SNX29: variants seen among roughly 807,000 people sequenced by gnomAD.
SNX29 encodes the protein sorting nexin-29.
In SNX29, 78 loss-of-function variants were observed where a neutral mutation model predicts 102.1. The observed-to-expected ratio is 0.76, with a 90% CI of 0.64 to 0.92. The LOEUF is 0.92. SNX29 is among the 40% of genes least tolerant of loss of function. The pLI is 0.00. For synonymous variants in SNX29, 580 were observed against 414.5 expected (o/e 1.40, Z -4.85); for missense variants, 1,280 against 1,061.7 (o/e 1.21, Z -2.86).
At chr16:12,537,387 C>A (rs1036076605) in intron 20 of SNX29, among the ~76,000 whole-genome samples, 1 of 152,210 alleles carries the variant, frequency 6.6e-6, no homozygotes, top group African/African-American at 2.4e-5. Flanking sequence ...AAGAGCAAGA[C>A]TTTGAGCCAA....
rs143464907 is a variant in SNX29 at position 12,222,145 on chromosome 16, G to A, written c.1678+22462G>A. Among the ~76,000 whole-genome samples the A allele has an allele frequency of 3.9e-3, 590 of 152,340 alleles. 5 individuals are homozygous for A. The highest frequency in any genetic ancestry group is 0.014 in the African/African-American group (563 of 41,576). On this transcript the variant is annotated intron_variant, in intron 14 of 20. Transcript: ENST00000566228. ...TAGGTGCTATTACGATCTTCATTCT[G>A]CAGATGCAGAAACACAGAGAGCTTA...
chr16:12,509,824 G>A (rs762700406), intron 19 of SNX29, among the ~76,000 whole-genome samples: 1 of 152,206 alleles, frequency 6.6e-6, no homozygotes, highest in Admixed American at 6.5e-5. Context: ...GCCGTTCCCA[G>A]CTCCTGGCAT....
At chr16:12,273,582 A>G (rs1344137153) in intron 14 of SNX29, among the ~76,000 whole-genome samples, 1 of 151,902 alleles carries the variant, frequency 6.6e-6, no homozygotes, top group Non-Finnish European at 1.5e-5. Context: ...GGTCTCGAAC[A>G]CTTGACCTCA....
chr16:12,399,127 T>G lies in SNX29; in HGVS notation c.1955+626T>G, dbSNP rs150193920. 1.0e-3 allele frequency among the ~76,000 whole-genome samples: 154 copies of G among 152,324 alleles called. No homozygotes were observed. In the East Asian group the frequency reaches 0.029, roughly 29 times the overall value. Reference sequence around the variant, plus strand: ...GTGCAGTGGCACGATCTCGGCTCATTGCACCCTCCGCCTACCGGGTTTAAG... The same window carrying G: ...GTGCAGTGGCACGATCTCGGCTCATGGCACCCTCCGCCTACCGGGTTTAAG... On this transcript the variant is annotated intron_variant, in intron 17 of 20. Coordinates refer to ENST00000566228, the MANE Select transcript of SNX29 (RefSeq NM_032167.5).
At chr16:11,982,709 G>A (rs953108124) in intron 1 of SNX29, among the ~76,000 whole-genome samples, 6 of 152,052 alleles carry the variant, frequency 3.9e-5, no homozygotes, top group Non-Finnish European at 8.8e-5. Flanking sequence ...GATCACAGGC[G>A]TGAGCCACCG....
chr16:12,535,721 C>T (rs1300005883), intron 20 of SNX29, among the ~76,000 whole-genome samples: 1 of 152,124 alleles, frequency 6.6e-6, no homozygotes, highest in African/African-American at 2.4e-5. Flanking sequence ...CCCTTGTAAA[C>T]AAAGCCAGGC....
chr16:12,493,374 C>T (rs1046235305), intron 19 of SNX29, among the ~76,000 whole-genome samples: 20 of 152,084 alleles, frequency 1.3e-4, no homozygotes, highest in East Asian at 1.9e-4. Context: ...GTGATTTTTG[C>T]ACATTGATTT....
chr16:11,998,068 A>T (rs1014779143), intron 1 of SNX29, among the ~76,000 whole-genome samples: 3 of 152,196 alleles, frequency 2.0e-5, no homozygotes. Flanking sequence ...GTTATCAACC[A>T]GCTGGCCCTG....
intron 15 of SNX29, among the ~76,000 whole-genome samples, chr16:12,326,022 C>A (rs1038367118): frequency 2.6e-5 from 4 of 151,804 alleles, no homozygotes; most frequent in African/African-American, 9.7e-5. Context: ...GAGGGAGACC[C>A]TGTCTTTTTT....
At chr16:12,426,587 A>C (rs2085088615) in intron 18 of SNX29, among the ~76,000 whole-genome samples, 1 of 152,240 alleles carries the variant, frequency 6.6e-6, no homozygotes. Context: ...GTAGCCAATA[A>C]AAATGGTGAT....
chr16:12,361,398 T>C (rs1416334135), intron 16 of SNX29, among the ~76,000 whole-genome samples: 1 of 152,250 alleles, frequency 6.6e-6, no homozygotes, highest in East Asian at 1.9e-4. Flanking sequence ...CAGTGCATCA[T>C]TCTCATTGTG....
chr16:12,249,824 C>G (rs961355299), intron 14 of SNX29, among the ~76,000 whole-genome samples: 2 of 152,226 alleles, frequency 1.3e-5, no homozygotes, highest in Non-Finnish European at 2.9e-5. Context: ...GTGTGCTGAG[C>G]TGTCCCGGCC....
rs541844756 is a variant in SNX29, at chr16:12,481,958, A to T, written c.2178+4099A>T. Among the ~76,000 whole-genome samples, 20 of 152,266 alleles carry T rather than the reference A, an allele frequency of 1.3e-4. No homozygotes were observed. In the South Asian group the frequency reaches 3.9e-3, roughly 30 times the overall value. On this transcript the variant is annotated intron_variant, in intron 19 of 20. Transcript: ENST00000566228. Reference sequence around the variant, plus strand: ...AGGACACATCTTAGTGATTCTTCCCATTTCCAAAGGAGGATTGAGTCAAGA... The same window carrying T: ...AGGACACATCTTAGTGATTCTTCCCTTTTCCAAAGGAGGATTGAGTCAAGA...
intron 3 of SNX29, among the ~76,000 whole-genome samples, chr16:12,022,766 G>C (rs1039389983): frequency 3.9e-5 from 6 of 152,102 alleles, no homozygotes; most frequent in South Asian, 2.1e-4. Flanking sequence ...GTTAAGGACT[G>C]TCTGTATTTA....
chr16:12,389,467 T>C (rs374325075), intron 16 of SNX29, among the ~76,000 whole-genome samples: 5 of 152,318 alleles, frequency 3.3e-5, no homozygotes, highest in Middle Eastern at 3.4e-3. Context: ...TTCTCCTGCC[T>C]GCCACCATGT....
At chr16:12,474,735 T>G (rs12596895) in intron 18 of SNX29, among the ~76,000 whole-genome samples, 26,729 of 152,106 alleles carry the variant, frequency 0.18, 2,900 homozygotes, top group African/African-American at 0.32. Context: ...TGGGCTGTTC[T>G]TAACTCGGGT....
At chr16:12,483,710 G>A (rs1032703805) in intron 19 of SNX29, among the ~76,000 whole-genome samples, 3 of 152,160 alleles carry the variant, frequency 2.0e-5, no homozygotes, top group Non-Finnish European at 4.4e-5. Flanking sequence ...TATATCTTTG[G>A]CTCATGTTCT....
intron 16 of SNX29, among the ~76,000 whole-genome samples, chr16:12,371,428 G>A (rs995182864): frequency 6.6e-6 from 1 of 152,108 alleles, no homozygotes; most frequent in Non-Finnish European, 1.5e-5. Flanking sequence ...CTCCGGAGAA[G>A]CTGGCACTAT....
chr16:12,571,148 C>G lies in SNX29; in HGVS notation c.*2519C>G, dbSNP rs189922080. On this transcript the variant is annotated 3_prime_UTR_variant, in exon 21 of 21. Transcript: ENST00000566228. The stretch of plus-strand genomic sequence containing the variant: ...TGCAATGATTGGGTCCATCTTGCTG[C>G]TCAGAAGAATCCCGTCCTGCTCTCT... The G allele has an allele frequency of 2.6e-3, 613 of 232,698 alleles. 2 individuals carry two copies. The highest frequency in any genetic ancestry group is 0.012 in the African/African-American group (563 of 45,414). The allele number at this position is 232,698 out of a possible 1,614,324, so 14.4% of individuals were successfully genotyped here.
Sources: gnomAD v4.1 joint callset for allele counts (sites outside exome capture counted in the v4.1 genomes callset) on GRCh38, gnomAD v4.1.1 for gene constraint, MANE v1.5 for transcripts, NCBI Gene and HGNC (gene_info 2026-07-23, HGNC 2026-07-21) for gene names.